FRMPD4: variants seen among roughly 807,000 people sequenced by gnomAD.
FRMPD4 encodes the protein FERM and PDZ domain containing 4.
In FRMPD4, 22 loss-of-function variants were observed where a neutral mutation model predicts 94.1. The observed-to-expected ratio is 0.23, with a 90% CI of 0.17 to 0.33. The LOEUF (loss-of-function observed/expected upper bound fraction) is 0.33, where lower values mean the gene tolerates loss of function less well. Among genes scored for constraint, FRMPD4 ranks in the 10% least tolerant of loss-of-function variants. The probability of loss-of-function intolerance (pLI) is 1.00; values close to 1 mark genes in which losing one functional copy is unlikely to be tolerated. For missense variants in FRMPD4, 1,111 were observed against 1,339.9 expected, an observed-to-expected ratio of 0.83 and a Z score of 2.67; for synonymous variants, 631 against 548.6, an observed-to-expected ratio of 1.15 and a Z score of -2.10.
Position 12,683,605 on chromosome X carries a change from T to C in FRMPD4, c.573+18T>C. 9 of 883,108 alleles carry C rather than the reference T, an allele frequency of 1.0e-5. No individual in the cohort carries two copies. The highest frequency in any genetic ancestry group is 1.5e-5 in the Non-Finnish European group (9 of 601,698). The allele number at this position is 883,108 out of a possible 1,213,427, so 72.8% of individuals were successfully genotyped here. A position where few individuals can be genotyped will look rare whatever the true frequency, so the allele number is the denominator to read the frequency against. ...AAGTGTCGGTGAGTTTACAGTCACC[T>C]GCTTTGTGACTCAGGGAGAGTCAAT... On this transcript the variant is annotated intron_variant, in intron 6 of 16. Coordinates refer to ENST00000675598, the MANE Select transcript of FRMPD4 (RefSeq NM_001368397.1).
At chrX:11,887,432 C>T (rs2053851995) in intron 3 of FRMPD4, among the ~76,000 whole-genome samples, 1 of 112,167 alleles carries the variant, frequency 8.9e-6, no homozygotes, top group African/African-American at 3.2e-5. Flanking sequence ...CTTATCTGCA[C>T]ACCTTATCTG....
intron 3 of FRMPD4, among the ~76,000 whole-genome samples, chrX:11,901,397 AG>A (rs921923551): frequency 8.0e-5 from 9 of 112,353 alleles, no homozygotes; most frequent in Non-Finnish European, 1.5e-4. Context: ...AATGGCCTCC[AG>A]CTCCTTCCAA....
intron 1 of FRMPD4, among the ~76,000 whole-genome samples, chrX:11,843,649 C>G (rs1827815389): frequency 9.0e-6 from 1 of 110,955 alleles, no homozygotes; most frequent in Non-Finnish European, 1.9e-5. Flanking sequence ...CCTTGACCTC[C>G]TGGGTTCCAG....
intron 9 of FRMPD4, among the ~76,000 whole-genome samples, chrX:12,695,283 G>C (rs769366683): frequency 3.5e-4 from 39 of 112,101 alleles, no homozygotes; most frequent in Non-Finnish European, 6.2e-4. Flanking sequence ...CCCTTTAATG[G>C]CAAAATGAAC....
chrX:12,276,998 G>T (rs2054449007), intron 1 of FRMPD4, among the ~76,000 whole-genome samples: 1 of 104,438 alleles, frequency 9.6e-6, no homozygotes, highest in Admixed American at 1.0e-4. Context: ...GCGGGCGCCT[G>T]TAGTCCCAGC....
At chrX:12,641,901 C>T (rs1280562089) in intron 4 of FRMPD4, among the ~76,000 whole-genome samples, 4 of 111,974 alleles carry the variant, frequency 3.6e-5, no homozygotes, top group African/African-American at 1.3e-4. Flanking sequence ...AGAAATTATC[C>T]TATTCATTAA....
intron 2 of FRMPD4, among the ~76,000 whole-genome samples, chrX:12,545,005 T>C (rs1343461112): frequency 3.6e-5 from 4 of 111,921 alleles, no homozygotes; most frequent in Non-Finnish European, 5.6e-5. Flanking sequence ...AGGTAGAATA[T>C]TGCTTCTTTC....
chrX:12,212,587 C>T (rs12557657), intron 1 of FRMPD4, among the ~76,000 whole-genome samples: 47,045 of 109,977 alleles, frequency 0.43, 7,259 homozygotes, highest in Non-Finnish European at 0.46. Flanking sequence ...GACAAGAATA[C>T]ATTTCTAACT....
Position 11,993,399 on chromosome X carries a change from G to A in FRMPD4, c.95+115381G>A, listed in dbSNP as rs1392955379. 8.1e-5 allele frequency among the ~76,000 whole-genome samples: 9 copies of A among 111,152 alleles called. No homozygotes were observed. The East Asian group carries it at 8.6e-4, about 11-fold the overall frequency. On this transcript the variant is annotated intron_variant, in intron 3 of 18. Transcript: ENST00000640291. ...AGGGCTATCCTACACATTGTGTGAC[G>A]CCTAACAGTGACCCTAGCCTCTACT...
At chrX:12,517,356 T>C (rs2058110782) in intron 2 of FRMPD4, among the ~76,000 whole-genome samples, 1 of 112,505 alleles carries the variant, frequency 8.9e-6, no homozygotes, top group Non-Finnish European at 1.9e-5. Context: ...CTTCAATCTT[T>C]GAGGCTGCTG....
intron 3 of FRMPD4, among the ~76,000 whole-genome samples, chrX:11,977,605 C>T (rs1216380715): frequency 2.5e-4 from 27 of 109,480 alleles, no homozygotes; most frequent in Admixed American, 2.3e-3. Context: ...CCAAGGTGGT[C>T]GGGGTGTAGC....
At chrX:12,227,399 G>C (rs770653509) in intron 1 of FRMPD4, among the ~76,000 whole-genome samples, 1 of 112,206 alleles carries the variant, frequency 8.9e-6, no homozygotes, top group Non-Finnish European at 1.9e-5. Flanking sequence ...AGCTTTAGGA[G>C]ACACTTGCTG....
rs192236713 is a variant in FRMPD4 at position 12,387,026 on chromosome X, T to A, written c.42-111654T>A. Among the ~76,000 whole-genome samples, 531 of 112,405 alleles carry A rather than the reference T, an allele frequency of 4.7e-3. 1 individual carries two copies. Among genetic ancestry groups the A allele is most frequent in the Non-Finnish European group, 8.2e-3 (439 of 53,257 alleles). ...AACAAAACATAAAGAGAAGCTTTTTTAAATTTTATTGAAGGCTATTTTTCT... is the reference window on the plus strand; with the variant it reads ...AACAAAACATAAAGAGAAGCTTTTTAAAATTTTATTGAAGGCTATTTTTCT... On this transcript the variant is annotated intron_variant, in intron 1 of 16. Coordinates refer to ENST00000675598, the MANE Select transcript of FRMPD4 (RefSeq NM_001368397.1).
intron 1 of FRMPD4, among the ~76,000 whole-genome samples, chrX:12,380,047 C>G (rs1287172415): frequency 9.0e-6 from 1 of 111,373 alleles, no homozygotes; most frequent in Non-Finnish European, 1.9e-5. Flanking sequence ...GGATTCCACT[C>G]TGGTACTAGG....
Position 12,256,859 on chromosome X carries a change from A to AGGCATTGT in FRMPD4, c.41+117848_41+117855dup, listed in dbSNP as rs1490517029. ...TCATTCATGGCACACCAGTGTACTT[A>AGGCATTGT]GGCATTGTACATTATTCCACAATTC... On this transcript the variant is annotated intron_variant, in intron 1 of 16. Transcript: ENST00000675598. Among the ~76,000 whole-genome samples, 3 of 112,163 alleles carry AGGCATTGT rather than the reference A, an allele frequency of 2.7e-5. No individual in the cohort carries two copies. The South Asian group carries it at 1.1e-3, about 42-fold the overall frequency.
chrX:12,241,515 C>G (rs918127516), intron 1 of FRMPD4, among the ~76,000 whole-genome samples: 1 of 112,310 alleles, frequency 8.9e-6, no homozygotes, highest in East Asian at 2.8e-4. Context: ...ATCAAGGCAG[C>G]CTGACCCCTG....
At chrX:12,304,103 T>C (rs2054899754) in intron 1 of FRMPD4, among the ~76,000 whole-genome samples, 1 of 111,461 alleles carries the variant, frequency 9.0e-6, no homozygotes, top group Non-Finnish European at 1.9e-5. Context: ...ATGACATGAT[T>C]GATTTATTTA....
At chrX:11,918,366 AGG>A (rs2054036993) in intron 3 of FRMPD4, among the ~76,000 whole-genome samples, 1 of 112,529 alleles carries the variant, frequency 8.9e-6, no homozygotes, top group African/African-American at 3.2e-5. Context: ...GCACTTTGGG[AGG>A]CCAAGGCGGG....
In FRMPD4 at chrX:11,844,613, T is replaced by C. The variant is rs138697787; in HGVS notation, c.-160-20473T>C. On this transcript the variant is annotated intron_variant, in intron 1 of 18. Transcript: ENST00000640291. ...AGAAATTAGCTGCTAATCATATTAT[T>C]TTTTTCTTTATATGTAGTGGTTAGG... is the stretch of plus-strand genomic sequence containing the variant. Among the ~76,000 whole-genome samples, 53 of 111,494 alleles carry C rather than the reference T, an allele frequency of 4.8e-4. No individual in the cohort carries two copies. In the East Asian group the frequency reaches 0.015, roughly 31 times the overall value.
Sources: gnomAD v4.1 joint callset for allele counts (sites outside exome capture counted in the v4.1 genomes callset) on GRCh38, gnomAD v4.1.1 for gene constraint, MANE v1.5 for transcripts, NCBI Gene and HGNC (gene_info 2026-07-23, HGNC 2026-07-21) for gene names.